The following EGFLAM variants were observed in gnomAD, a reference collection of about 807,000 sequenced individuals.
EGFLAM encodes EGF like, fibronectin type III and laminin G domains.
Under a neutral mutation model 113.1 loss-of-function variants are expected in EGFLAM, and 79 were observed. The observed-to-expected ratio is 0.70, with a 90% CI of 0.58 to 0.84. The LOEUF is 0.84. EGFLAM is among the 40% of genes least tolerant of loss of function. The probability of loss-of-function intolerance (pLI) is 0.00; values close to 1 mark genes in which losing one functional copy is unlikely to be tolerated. For synonymous variants in EGFLAM, 504 were observed against 487.6 expected, an observed-to-expected ratio of 1.03 and a Z score of -0.44; for missense variants, 1,265 against 1,291.6, an observed-to-expected ratio of 0.98 and a Z score of 0.32.
chr5:38,372,144 CT>C (rs370743910), intron 6 of EGFLAM, among the ~76,000 whole-genome samples: 1,798 of 145,254 alleles, frequency 0.012, 36 homozygotes, highest in African/African-American at 0.04. Context: ...CATACTGCTC[CT>C]TTTTTTTTTT....
rs1208975086 is a variant in EGFLAM at position 38,301,885 on chromosome 5, G to A, written c.98-35635G>A. ...TTGTCCAGTGCCTGGTATGAAGTTG[G>A]CATCAATTTCCAATATCTCCCTCCC... On this transcript the variant is annotated intron_variant, in intron 1 of 21. Transcript: ENST00000322350. Among the ~76,000 whole-genome samples, 3 of 152,078 alleles carry A rather than the reference G, an allele frequency of 2.0e-5. No homozygotes were observed. The East Asian group carries it at 5.8e-4, about 29-fold the overall frequency.
intron 17 of EGFLAM, among the ~76,000 whole-genome samples, chr5:38,443,900 A>G (rs1347005434): frequency 6.6e-6 from 1 of 151,574 alleles, no homozygotes; most frequent in East Asian, 2.0e-4. Flanking sequence ...CCTCATGAGT[A>G]GCTGAGATTA....
chr5:38,413,185 A>ATTTTTTTTTTTTTT (rs34326457), intron 11 of EGFLAM, among the ~76,000 whole-genome samples: 2 of 100,882 alleles, frequency 2.0e-5, no homozygotes, highest in Non-Finnish European at 3.8e-5. Flanking sequence ...TGCCTGGCTA[A>ATTTTTTTTTTTTTT]TTTTTTTTTT....
intron 18 of EGFLAM, among the ~76,000 whole-genome samples, chr5:38,448,637 A>G (rs145221143): frequency 6.6e-6 from 1 of 152,348 alleles, no homozygotes; most frequent in African/African-American, 2.4e-5. Flanking sequence ...TTTCTGGTCA[A>G]AGGGCCTGGA....
intron 10 of EGFLAM, among the ~76,000 whole-genome samples, chr5:38,411,628 A>G (rs908530463): frequency 6.6e-6 from 1 of 150,432 alleles, no homozygotes; most frequent in Non-Finnish European, 1.5e-5. Context: ...GATTACAAGC[A>G]TCTGCCATCG....
intron 17 of EGFLAM, among the ~76,000 whole-genome samples, chr5:38,444,322 G>A (rs1156229423): frequency 1.3e-5 from 2 of 152,226 alleles, no homozygotes; most frequent in African/African-American, 4.8e-5. Context: ...GTAGAGAGAA[G>A]TGGGGAATAG....
At chr5:38,433,695 C>T (rs1057290068) in intron 15 of EGFLAM, among the ~76,000 whole-genome samples, 3 of 152,232 alleles carry the variant, frequency 2.0e-5, no homozygotes, top group Non-Finnish European at 4.4e-5. Flanking sequence ...TTCCTCCTTT[C>T]CTCTTTCCAT....
chr5:38,330,636 C>A (rs527817338), intron 1 of EGFLAM, among the ~76,000 whole-genome samples: 5 of 152,200 alleles, frequency 3.3e-5, no homozygotes, highest in Admixed American at 3.3e-4. Context: ...ACAAGGGATA[C>A]AAGAACTGGT....
chr5:38,329,241 A>C (rs943005956), intron 1 of EGFLAM, among the ~76,000 whole-genome samples: 2 of 151,988 alleles, frequency 1.3e-5, no homozygotes, highest in African/African-American at 4.8e-5. Context: ...GTGAGCTGAG[A>C]TCACACCACT....
At chr5:38,349,443 G>T (rs2111978695) in intron 3 of EGFLAM, among the ~76,000 whole-genome samples, 1 of 152,270 alleles carries the variant, frequency 6.6e-6, no homozygotes, top group African/African-American at 2.4e-5. Context: ...TTTACACACA[G>T]TATCTCAAAT....
chr5:38,293,145 C>G (rs1317060629), intron 1 of EGFLAM, among the ~76,000 whole-genome samples: 1 of 152,180 alleles, frequency 6.6e-6, no homozygotes, highest in Non-Finnish European at 1.5e-5. Flanking sequence ...TTTAATTCAT[C>G]TGGTGCTTCA....
chr5:38,445,527 C>T (rs1354892946), intron 17 of EGFLAM: 2 of 1,554,722 alleles, frequency 1.3e-6, no homozygotes, highest in Non-Finnish European at 1.7e-6. Context: ...CTCATATTCA[C>T]ATTCCCTAAG....
chr5:38,282,616 G>T (rs1259347269), intron 1 of EGFLAM: 1 of 138,660 alleles, frequency 7.2e-6, no homozygotes, highest in African/African-American at 2.7e-5. Context: ...AAATGGTGAG[G>T]CCCCAGAGGT....
chr5:38,404,751 A>G (rs1369334605), intron 6 of EGFLAM, among the ~76,000 whole-genome samples: 2 of 152,156 alleles, frequency 1.3e-5, no homozygotes, highest in Admixed American at 6.5e-5. Flanking sequence ...TACTGCCCTA[A>G]AGGCTGGTGC....
At chr5:38,376,510 A>G (rs1327986112) in intron 6 of EGFLAM, among the ~76,000 whole-genome samples, 1 of 152,198 alleles carries the variant, frequency 6.6e-6, no homozygotes, top group Non-Finnish European at 1.5e-5. Context: ...ATCAGTTCCT[A>G]GTAGATGGTA....
At chr5:38,405,329 A>G (rs947551270) in intron 6 of EGFLAM, among the ~76,000 whole-genome samples, 1 of 152,042 alleles carries the variant, frequency 6.6e-6, no homozygotes, top group African/African-American at 2.4e-5. Context: ...TTGGGTATTT[A>G]TGTGTTTGTC....
intron 18 of EGFLAM, among the ~76,000 whole-genome samples, chr5:38,450,386 G>A (rs968380369): frequency 5.3e-5 from 8 of 152,162 alleles, no homozygotes; most frequent in Non-Finnish European, 7.3e-5. Context: ...CTCAGGCTCT[G>A]GGAAGCCTAG....
rs555557727 is a variant in EGFLAM, at chr5:38,319,624, G to A, written c.98-17896G>A. 2.0e-5 allele frequency among the ~76,000 whole-genome samples: 3 copies of A among 152,344 alleles called. No homozygotes were observed. The South Asian group carries it at 6.2e-4, about 32-fold the overall frequency. On this transcript the variant is annotated intron_variant, in intron 1 of 21. Transcript: ENST00000322350. ...TGAACAACACTCCCGGATTTCAGGA[G>A]TATGGGGAATGTGGGAGGAGATGGA...
At chr5:38,305,224 A>G (rs1758693279) in intron 1 of EGFLAM, among the ~76,000 whole-genome samples, 1 of 152,222 alleles carries the variant, frequency 6.6e-6, no homozygotes, top group African/African-American at 2.4e-5. Flanking sequence ...ACAAAATTCC[A>G]GAAAGTAAAA....
Sources: allele counts gnomAD v4.1 joint callset (sites outside exome capture counted in the v4.1 genomes callset), GRCh38; gene constraint gnomAD v4.1.1; transcripts MANE v1.5; gene names NCBI Gene and HGNC (gene_info 2026-07-23, HGNC 2026-07-21).